The following RGS7 variants were observed in gnomAD, a reference collection of about 807,000 sequenced individuals.
RGS7 encodes regulator of G-protein signaling 7.
Under a neutral mutation model 81.1 loss-of-function variants are expected in RGS7, and 27 were observed. The observed-to-expected ratio is 0.33, with a 90% CI of 0.25 to 0.46. RGS7 has a LOEUF of 0.46. RGS7 is among the 20% of genes least tolerant of loss of function. RGS7 has a pLI of 1.00. For synonymous variants in RGS7, 208 were observed against 207.7 expected, an observed-to-expected ratio of 1.00 and a Z score of -0.01; for missense variants, 396 against 607.4, an observed-to-expected ratio of 0.65 and a Z score of 3.66.
At chr1:240,913,335 A>C (rs964092935) in intron 6 of RGS7, among the ~76,000 whole-genome samples, 2 of 152,236 alleles carry the variant, frequency 1.3e-5, no homozygotes, top group Non-Finnish European at 2.9e-5. Context: ...GTAAGAGAGT[A>C]AATCAGATGT....
At chr1:241,189,432 T>C (rs1295757920) in intron 2 of RGS7, among the ~76,000 whole-genome samples, 2 of 152,218 alleles carry the variant, frequency 1.3e-5, no homozygotes, top group South Asian at 2.1e-4. Context: ...TTGTTAGATA[T>C]GGGGTTTACC....
intron 2 of RGS7, among the ~76,000 whole-genome samples, chr1:241,329,710 C>T (rs74150265): frequency 3.3e-5 from 5 of 152,224 alleles, no homozygotes; most frequent in African/African-American, 1.2e-4. Flanking sequence ...TAATGTGGTG[C>T]TGTCCTCAGT....
At chr1:241,017,302 G>A (rs375570951) in intron 3 of RGS7, among the ~76,000 whole-genome samples, 31 of 152,162 alleles carry the variant, frequency 2.0e-4, no homozygotes, top group East Asian at 9.7e-4. Context: ...TTAGCTGGGC[G>A]TGGTGGCGCA....
At chr1:241,091,331 G>A (rs1291372057) in intron 3 of RGS7, among the ~76,000 whole-genome samples, 2 of 151,136 alleles carry the variant, frequency 1.3e-5, no homozygotes, top group East Asian at 2.0e-4. Flanking sequence ...GGTGGATCAC[G>A]AGGTAGGGAG....
intron 9 of RGS7, among the ~76,000 whole-genome samples, chr1:240,849,508 T>C (rs1659703062): frequency 6.6e-6 from 1 of 152,238 alleles, no homozygotes; most frequent in South Asian, 2.1e-4. Context: ...TTTAGATATT[T>C]GTCTCCTCCA....
intron 3 of RGS7, among the ~76,000 whole-genome samples, chr1:241,046,832 T>C (rs181245195): frequency 3.1e-4 from 47 of 152,284 alleles, no homozygotes; most frequent in African/African-American, 1.1e-3. Flanking sequence ...TCTCTTCTTC[T>C]TCAATCTGGC....
At chr1:241,355,271 C>G (rs1416341695) in intron 2 of RGS7, among the ~76,000 whole-genome samples, 1 of 152,206 alleles carries the variant, frequency 6.6e-6, no homozygotes, top group Non-Finnish European at 1.5e-5. Context: ...CACAGTCTCT[C>G]TTGCCACAAA....
chr1:241,235,718 CTTCCT>C (rs2075924848), intron 2 of RGS7, among the ~76,000 whole-genome samples: 1 of 149,538 alleles, frequency 6.7e-6, no homozygotes, highest in Non-Finnish European at 1.5e-5. Context: ...CTCTCTCTCC[CTTCCT>C]TTCCTTTCCT....
chr1:240,901,088 C>T (rs141487198), intron 6 of RGS7, among the ~76,000 whole-genome samples: 19,272 of 151,846 alleles, frequency 0.13, 1,353 homozygotes, highest in Middle Eastern at 0.18. Flanking sequence ...TGGGACCCTC[C>T]GAGCCAGGCA....
At chr1:241,204,903 A>T (rs2073774160) in intron 2 of RGS7, among the ~76,000 whole-genome samples, 1 of 152,162 alleles carries the variant, frequency 6.6e-6, no homozygotes, top group African/African-American at 2.4e-5. Context: ...TCTTGCTATC[A>T]GAACTGTTGA....
intron 2 of RGS7, among the ~76,000 whole-genome samples, chr1:241,221,092 AAAGG>A (rs141939771): frequency 0.16 from 22,081 of 138,142 alleles, 2,085 homozygotes; most frequent in East Asian, 0.36. Flanking sequence ...AGGAAGGAAG[AAAGG>A]AAGGAAGGAA....
At chr1:241,328,551 A>G (rs2081759126) in intron 2 of RGS7, among the ~76,000 whole-genome samples, 1 of 152,206 alleles carries the variant, frequency 6.6e-6, no homozygotes, top group South Asian at 2.1e-4. Context: ...CACTTTGACC[A>G]GGTTAATTTA....
intron 2 of RGS7, among the ~76,000 whole-genome samples, chr1:241,196,292 C>T (rs2073059252): frequency 6.6e-6 from 1 of 151,992 alleles, no homozygotes; most frequent in East Asian, 1.9e-4. Context: ...AAAGCATTTT[C>T]ACACAAATAA....
intron 9 of RGS7, among the ~76,000 whole-genome samples, chr1:240,857,954 T>A (rs1432961250): frequency 6.6e-6 from 1 of 152,194 alleles, no homozygotes; most frequent in African/African-American, 2.4e-5. Flanking sequence ...GCTACCACCA[T>A]GTGAACAAGG....
intron 2 of RGS7, among the ~76,000 whole-genome samples, chr1:241,314,916 G>A (rs1209680435): frequency 1.3e-5 from 2 of 152,110 alleles, no homozygotes; most frequent in Admixed American, 6.6e-5. Flanking sequence ...GCAATAGTCT[G>A]TGCAAAAACT....
At chr1:240,791,702 T>C (rs887761301) in intron 18 of RGS7, among the ~76,000 whole-genome samples, 9 of 152,206 alleles carry the variant, frequency 5.9e-5, no homozygotes, top group African/African-American at 9.6e-5. Flanking sequence ...CCCAGGGCTG[T>C]CTAGTAAGTG....
At chr1:240,881,387 A>T (rs888960576) in intron 6 of RGS7, among the ~76,000 whole-genome samples, 2 of 152,160 alleles carry the variant, frequency 1.3e-5, no homozygotes, top group Non-Finnish European at 2.9e-5. Context: ...TATTAGGAGA[A>T]ATACCTAATG....
At chr1:240,967,369 G>A (rs1217564824) in intron 4 of RGS7, among the ~76,000 whole-genome samples, 5 of 152,124 alleles carry the variant, frequency 3.3e-5, no homozygotes, top group Non-Finnish European at 5.9e-5. Flanking sequence ...AAGACACAAG[G>A]ATAGATCTGG....
chr1:240,890,297 C>T (rs1297989626), intron 6 of RGS7, among the ~76,000 whole-genome samples: 12 of 152,034 alleles, frequency 7.9e-5, no homozygotes, highest in Admixed American at 2.6e-4. Flanking sequence ...GGCCTACAGG[C>T]GTGCGCCACC....
Sources: allele counts gnomAD v4.1 joint callset (sites outside exome capture counted in the v4.1 genomes callset), GRCh38; gene constraint gnomAD v4.1.1; transcripts MANE v1.5; gene names NCBI Gene and HGNC (gene_info 2026-07-23, HGNC 2026-07-21).